Variants in KANTR observed in about 807,000 individuals in gnomAD.
The protein encoded by KANTR is KDM5C adjacent transcript.
At chrX:53,100,189 A>G (rs982933429) in intron 2 of KANTR, among the ~76,000 whole-genome samples, 3 of 112,476 alleles carry the variant, frequency 2.7e-5, no homozygotes, top group African/African-American at 9.7e-5. Flanking sequence ...AGCTACACTG[A>G]AAATCTGTTG....
chrX:53,113,164 G>A (rs937152167), intron 2 of KANTR: 29 of 253,532 alleles, frequency 1.1e-4, no homozygotes, highest in East Asian at 4.6e-4. Context: ...CCATCAGAGC[G>A]TGGCTGTAGG....
At chrX:53,136,536 C>CT (rs57543669) in intron 2 of KANTR, among the ~76,000 whole-genome samples, 42 of 53,176 alleles carry the variant, frequency 7.9e-4, no homozygotes, top group East Asian at 3.9e-3. Context: ...CCGTTCCCGG[C>CT]TTTTTTTTTT....
At chrX:53,144,024 C>A, downstream of KANTR, 1 of 202,274 alleles carries the variant, frequency 4.9e-6, no homozygotes, top group Non-Finnish European at 9.4e-6. Context: ...TAGCCAAATA[C>A]TGATTTTTGA....
At chrX:53,147,586 G>A (rs1310941255), downstream of KANTR, among the ~76,000 whole-genome samples, 4 of 111,328 alleles carry the variant, frequency 3.6e-5, no homozygotes, top group Admixed American at 2.9e-4. Context: ...AGGATATCCA[G>A]GAATTGAACT....
downstream of KANTR, among the ~76,000 whole-genome samples, chrX:53,147,574 C>A (rs2146764755): frequency 9.0e-6 from 1 of 111,428 alleles, no homozygotes; most frequent in South Asian, 3.8e-4. Context: ...CAGAAGTTAA[C>A]AAGGATATCC....
chrX:53,094,691 G>T (rs1164502795), intron 1 of KANTR: 3 of 111,872 alleles, frequency 2.7e-5, no homozygotes, highest in South Asian at 3.7e-4. Context: ...GTTTAAACTA[G>T]CTATGAAACC....
downstream of KANTR, among the ~76,000 whole-genome samples, chrX:53,131,212 G>C (rs1235384896): frequency 9.0e-6 from 1 of 111,216 alleles, no homozygotes; most frequent in Non-Finnish European, 1.9e-5. Context: ...GAAAGTCCCA[G>C]CCTCAGTAAC....
At chrX:53,110,991 A>G (rs782541378) in intron 2 of KANTR, among the ~76,000 whole-genome samples, 7 of 108,819 alleles carry the variant, frequency 6.4e-5, no homozygotes, top group South Asian at 8.1e-4. Flanking sequence ...AATGACTGAT[A>G]TTACTTCTTT....
At chrX:53,113,865 G>A (rs1244313956) in intron 2 of KANTR, among the ~76,000 whole-genome samples, 1 of 108,480 alleles carries the variant, frequency 9.2e-6, no homozygotes, top group Admixed American at 9.9e-5. Flanking sequence ...ACAGATGTGA[G>A]CCACTGCACC....
downstream of KANTR, chrX:53,142,765 A>G (rs1259877972): frequency 1.3e-4 from 61 of 456,202 alleles, no homozygotes; most frequent in South Asian, 8.2e-4. Flanking sequence ...GCGGTAGACA[A>G]TGGAGGGGCC....
At chrX:53,140,065 G>A (rs782058181) in intron 2 of KANTR, among the ~76,000 whole-genome samples, 3 of 112,608 alleles carry the variant, frequency 2.7e-5, no homozygotes, top group East Asian at 5.6e-4. Flanking sequence ...TTATCAGCCC[G>A]ACAAATTTAA....
chrX:53,137,127 T>C (rs143821487), intron 2 of KANTR, among the ~76,000 whole-genome samples: 34 of 111,015 alleles, frequency 3.1e-4, no homozygotes, highest in African/African-American at 1.1e-3. Flanking sequence ...AGTTTTATAA[T>C]TTAGGTTATA....
downstream of KANTR, among the ~76,000 whole-genome samples, chrX:53,144,161 G>A (rs186599099): frequency 1.9e-4 from 21 of 111,741 alleles, no homozygotes; most frequent in East Asian, 4.2e-3. Context: ...TTATGAGGCC[G>A]AGGAGGGTGG....
chrX:53,107,970 A>G (rs1932975165), intron 2 of KANTR, among the ~76,000 whole-genome samples: 2 of 107,930 alleles, frequency 1.9e-5, no homozygotes, highest in African/African-American at 6.9e-5. Context: ...GCTCATTGCA[A>G]CCTCCGCCTC....
At chrX:53,112,696 A>G (rs1341054241) in intron 2 of KANTR, among the ~76,000 whole-genome samples, 1 of 110,516 alleles carries the variant, frequency 9.0e-6, no homozygotes, top group African/African-American at 3.3e-5. Context: ...GTTTGATTCT[A>G]TGTTTCTGTA....
chrX:53,094,462 A>G (rs1262298806), intron 1 of KANTR, 178 bp downstream of exon 1: 1 of 111,971 alleles, frequency 8.9e-6, no homozygotes, highest in Non-Finnish European at 1.9e-5. Flanking sequence ...TGCGGCTCCC[A>G]GACTGCAACC....
chrX:53,103,717 C>T (rs1299871553), intron 2 of KANTR, among the ~76,000 whole-genome samples: 1 of 111,887 alleles, frequency 8.9e-6, no homozygotes, highest in Non-Finnish European at 1.9e-5. Flanking sequence ...ACTCAGGCTT[C>T]CTACTTGACT....
At chrX:53,136,927 G>T (rs1299705086) in intron 2 of KANTR, among the ~76,000 whole-genome samples, 1 of 102,060 alleles carries the variant, frequency 9.8e-6, no homozygotes, top group Non-Finnish European at 2.0e-5. Flanking sequence ...ATTTTTAGTA[G>T]AGACATCTCA....
chrX:53,127,483 A>G (rs1162162599), downstream of KANTR: 8 of 112,389 alleles, frequency 7.1e-5, no homozygotes, highest in East Asian at 2.2e-3. Flanking sequence ...GGATAGAGAA[A>G]TAAAGGCCTT....
Sources: gnomAD v4.1 joint callset for allele counts (sites outside exome capture counted in the v4.1 genomes callset) on GRCh38, gnomAD v4.1.1 for gene constraint, MANE v1.5 for transcripts, NCBI Gene and HGNC (gene_info 2026-07-23, HGNC 2026-07-21) for gene names.